Variants in LINGO1 observed in about 807,000 individuals in gnomAD.
The protein encoded by LINGO1 is leucine rich repeat and Ig domain containing 1, also known as leucine-rich repeat and immunoglobulin-like domain-containing nogo receptor-interacting protein 1.
LINGO1 carries 11 observed loss-of-function variants against 37.3 expected under a neutral mutation model. The observed-to-expected ratio is 0.29, with a 90% CI of 0.19 to 0.49. The LOEUF is 0.49. Ranked by LOEUF, LINGO1 falls within the 20% of genes least tolerant of loss-of-function variation. LINGO1 has a pLI of 0.99. For synonymous variants in LINGO1, 387 were observed against 403.0 expected (o/e 0.96, Z 0.48); for missense variants, 585 against 878.2 (o/e 0.67, Z 4.22).
chr15:77,798,436 G>A (rs113034858), intron 1 of LINGO1, among the ~76,000 whole-genome samples: 79 of 152,320 alleles, frequency 5.2e-4, no homozygotes, highest in African/African-American at 1.7e-3. Flanking sequence ...CCGGGCCCCC[G>A]GCTGCCATGC....
chr15:77,732,182 A>AGGT (rs1328624395), intron 2 of LINGO1, among the ~76,000 whole-genome samples: 1 of 152,198 alleles, frequency 6.6e-6, no homozygotes, highest in Non-Finnish European at 1.5e-5. Context: ...TCAGGACTTG[A>AGGT]GGTCTGCACT....
intron 1 of LINGO1, 99 bp from the exon 2 acceptor site, chr15:77,615,999 G>C: frequency 1.2e-6 from 1 of 810,720 alleles, no homozygotes; most frequent in Non-Finnish European, 1.8e-6. Context: ...GCCCTGTCAC[G>C]ATGACCCTGA....
At chr15:77,776,480 G>GGCAGGAAA (rs1287873456) in intron 1 of LINGO1, among the ~76,000 whole-genome samples, 12 of 116,290 alleles carry the variant, frequency 1.0e-4, no homozygotes, top group African/African-American at 2.9e-4. Context: ...AAGGCAGGAA[G>GGCAGGAAA]GCAGGAAAGC....
chr15:77,808,629 A>C (rs901193154), intron 1 of LINGO1, among the ~76,000 whole-genome samples: 4 of 152,180 alleles, frequency 2.6e-5, no homozygotes, highest in African/African-American at 9.7e-5. Flanking sequence ...ACACAGACAC[A>C]GCCTCCTGTA....
rs1191359581 is a variant in LINGO1, at chr15:77,632,647, C to T, written c.-332G>A. Among the ~76,000 whole-genome samples the T allele has an allele frequency of 1.4e-5, 2 of 146,040 alleles. No homozygotes were observed. Among genetic ancestry groups the T allele is most frequent in the Admixed American group, 6.8e-5 (1 of 14,714 alleles). ...TGGGCCGGCCCGGAGCCGCCGCCGC[C>T]GCCTCTGCCGCTGGGGCCGGGGTCG... On this transcript the variant is annotated 5_prime_UTR_variant, in exon 1 of 2. Coordinates refer to ENST00000355300, the MANE Select transcript of LINGO1 (RefSeq NM_032808.7). This position sits in a 1 kb window ranked among gnomAD's most constrained non-coding sequence, Gnocchi z 6.0.
At chr15:77,802,185 T>C (rs1258206074) in intron 1 of LINGO1, among the ~76,000 whole-genome samples, 3 of 151,886 alleles carry the variant, frequency 2.0e-5, no homozygotes, top group Admixed American at 6.6e-5. Context: ...TGCTTACAGA[T>C]AGAGGGCACA....
intron 3 of LINGO1, among the ~76,000 whole-genome samples, chr15:77,668,792 TACACACAC>T (rs34476518): frequency 0.019 from 2,548 of 134,876 alleles, 29 homozygotes; most frequent in African/African-American, 0.031. Context: ...CACAGGGGAA[TACACACAC>T]ACACACACAC....
At chr15:77,719,363 G>A (rs945154432) in intron 2 of LINGO1, among the ~76,000 whole-genome samples, 4 of 149,930 alleles carry the variant, frequency 2.7e-5, no homozygotes, top group Non-Finnish European at 4.5e-5. Context: ...GTCCCTTTAG[G>A]AGAAGGGATG....
intron 2 of LINGO1, among the ~76,000 whole-genome samples, chr15:77,792,019 C>T (rs2076822067): frequency 6.6e-6 from 1 of 152,156 alleles, no homozygotes; most frequent in Non-Finnish European, 1.5e-5. Context: ...GCTTCAGATA[C>T]CACCCAGATG....
At chr15:77,678,730 GAAACTGCCA>G (rs985413737) in intron 2 of LINGO1, among the ~76,000 whole-genome samples, 1 of 152,206 alleles carries the variant, frequency 6.6e-6, no homozygotes, top group African/African-American at 2.4e-5. Context: ...AACTTTATAA[GAAACTGCCA>G]AACTCTTTTC....
chr15:77,700,940 A>G (rs11852429), upstream of LINGO1, among the ~76,000 whole-genome samples: 15,502 of 152,178 alleles, frequency 0.1, 1,230 homozygotes, highest in African/African-American at 0.21. Context: ...AACAGGCAGG[A>G]GTGGGTGGGA....
At chr15:77,683,406 A>G (rs541817623) in intron 2 of LINGO1, among the ~76,000 whole-genome samples, 1 of 152,362 alleles carries the variant, frequency 6.6e-6, no homozygotes, top group South Asian at 2.1e-4. Flanking sequence ...CAAGATATAT[A>G]TAAGGATGCT....
intron 2 of LINGO1, among the ~76,000 whole-genome samples, chr15:77,722,903 C>A (rs1021215641): frequency 1.4e-4 from 22 of 152,158 alleles, no homozygotes; most frequent in African/African-American, 5.3e-4. Context: ...GGGAGGGCAG[C>A]AGCAGGGCTG....
chr15:77,614,596 G>A lies in LINGO1; in HGVS notation c.1311C>T (p.Asp437=), dbSNP rs369123579. ...RDRKAQQVFV[D]EGHTVQFVCR... ...ACACAAACTGCACCGTGTGGCCCTC[G>A]TCCACAAACACCTGCTGGGCCTTGC... Residue 437 remains aspartate, a synonymous_variant, in exon 2 of 2, where the codon GAC becomes GAT. Coordinates refer to ENST00000355300, the MANE Select transcript of LINGO1 (RefSeq NM_032808.7). 80 of 1,610,890 alleles carry A rather than the reference G, an allele frequency of 5.0e-5. No homozygotes were observed. The Middle Eastern group carries it at 6.6e-4, about 13-fold the overall frequency.
At chr15:77,719,887 TACACA>T (rs2076030102) in intron 2 of LINGO1, among the ~76,000 whole-genome samples, 4 of 147,876 alleles carry the variant, frequency 2.7e-5, no homozygotes, top group Non-Finnish European at 6.0e-5. Flanking sequence ...TACACACACA[TACACA>T]CACACACACA....
At chr15:77,674,406 C>T (rs1383490019) in intron 3 of LINGO1, among the ~76,000 whole-genome samples, 2 of 152,342 alleles carry the variant, frequency 1.3e-5, no homozygotes, top group East Asian at 1.9e-4. Context: ...CATGTCACTA[C>T]GCAGAACCTT....
chr15:77,673,967 G>A (rs146151618), intron 3 of LINGO1, among the ~76,000 whole-genome samples: 2 of 151,914 alleles, frequency 1.3e-5, no homozygotes, highest in Middle Eastern at 3.4e-3. Context: ...AAAGTCACCC[G>A]TTTTCACTGT....
intron 1 of LINGO1, among the ~76,000 whole-genome samples, chr15:77,620,515 C>T (rs1025704770): frequency 6.6e-6 from 1 of 152,234 alleles, no homozygotes; most frequent in Non-Finnish European, 1.5e-5. Flanking sequence ...GGCAATGCTC[C>T]CTGACACACG....
chr15:77,779,419 T>A (rs900609432), intron 1 of LINGO1, among the ~76,000 whole-genome samples: 1 of 152,102 alleles, frequency 6.6e-6, no homozygotes, highest in South Asian at 2.1e-4. Flanking sequence ...TACATTGTCA[T>A]ATATAATGAA....
Sources: allele counts gnomAD v4.1 joint callset (sites outside exome capture counted in the v4.1 genomes callset), GRCh38; gene constraint gnomAD v4.1.1; non-coding constraint Gnocchi (gnomAD v3.1); transcripts MANE v1.5; gene names NCBI Gene and HGNC (gene_info 2026-07-23, HGNC 2026-07-21).